FNDC3A: variants seen among roughly 807,000 people sequenced by gnomAD.
FNDC3A encodes fibronectin type III domain containing 3A.
A neutral mutation model predicts 148.9 loss-of-function variants in FNDC3A; 32 were observed. The ratio of observed to expected loss-of-function variants is 0.21; its 90% confidence interval spans 0.16 to 0.29. The LOEUF (loss-of-function observed/expected upper bound fraction) is 0.29, where lower values mean the gene tolerates loss of function less well. FNDC3A is among the 10% of genes least tolerant of loss of function. The pLI is 1.00. For synonymous variants in FNDC3A, 472 were observed against 473.6 expected (o/e 1.00, Z 0.04); for missense variants, 1,191 against 1,452.8 (o/e 0.82, Z 2.93).
intron 13 of FNDC3A, among the ~76,000 whole-genome samples, chr13:49,175,852 T>C (rs1885001447): frequency 6.6e-6 from 1 of 152,228 alleles, no homozygotes; most frequent in South Asian, 2.1e-4. Context: ...ACAGCTCTTA[T>C]TATTTTGAGA....
intron 4 of FNDC3A, among the ~76,000 whole-genome samples, chr13:49,119,215 G>A (rs756375199): frequency 6.6e-6 from 1 of 152,118 alleles, no homozygotes; most frequent in Non-Finnish European, 1.5e-5. Flanking sequence ...AGGCAAACAG[G>A]GTCTGAGTGG....
At chr13:49,193,859 A>C (rs1486937639) in intron 19 of FNDC3A, among the ~76,000 whole-genome samples, 1 of 151,924 alleles carries the variant, frequency 6.6e-6, no homozygotes, top group Non-Finnish European at 1.5e-5. Context: ...GGCGGAGGTT[A>C]CAGTGAGCTG....
At chr13:49,114,621 A>G in intron 3 of FNDC3A, 34 bp from the exon 4 acceptor site, 2 of 1,446,016 alleles carry the variant, frequency 1.4e-6, no homozygotes, top group South Asian at 2.3e-5. Flanking sequence ...ATAAGCAATC[A>G]TGGGTTAATA....
chr13:49,112,048 A>G (rs1880613983), intron 3 of FNDC3A, among the ~76,000 whole-genome samples: 1 of 152,216 alleles, frequency 6.6e-6, no homozygotes, highest in Non-Finnish European at 1.5e-5. Context: ...GGCCACTTGA[A>G]GCAATTGTGT....
intron 2 of FNDC3A, among the ~76,000 whole-genome samples, chr13:49,062,689 G>T (rs1184164302): frequency 2.6e-5 from 4 of 152,064 alleles, no homozygotes; most frequent in Non-Finnish European, 5.9e-5. Flanking sequence ...ATCATCCTAG[G>T]TTGAGTGGAT....
chr13:49,188,300 G>A (rs1282580043), intron 16 of FNDC3A, among the ~76,000 whole-genome samples: 1 of 152,144 alleles, frequency 6.6e-6, no homozygotes, highest in African/African-American at 2.4e-5. Flanking sequence ...GAGTTACAGA[G>A]ATATTTCACT....
At chr13:49,066,610 A>G (rs1877279826) in intron 2 of FNDC3A, among the ~76,000 whole-genome samples, 1 of 152,230 alleles carries the variant, frequency 6.6e-6, no homozygotes, top group African/African-American at 2.4e-5. Flanking sequence ...CCAAAGTTAC[A>G]AATAGCTATT....
chr13:49,206,669 A>G (rs761129309), intron 25 of FNDC3A, among the ~76,000 whole-genome samples: 17 of 152,224 alleles, frequency 1.1e-4, no homozygotes, highest in Admixed American at 2.0e-4. Context: ...TTGAAATTAT[A>G]TGGAAATTTA....
intron 8 of FNDC3A, among the ~76,000 whole-genome samples, chr13:49,158,055 C>G (rs1017763807): frequency 5.3e-5 from 8 of 152,232 alleles, no homozygotes; most frequent in South Asian, 4.2e-4. Flanking sequence ...CCACTCAGTT[C>G]GAGCTTCCCG....
At chr13:49,079,723 T>TTC (rs780915976) in intron 3 of FNDC3A, among the ~76,000 whole-genome samples, 25 of 152,144 alleles carry the variant, frequency 1.6e-4, no homozygotes, top group Non-Finnish European at 2.9e-4. Context: ...ACTCCTGAGC[T>TTC]TCTCTCTCTT....
chr13:49,194,481 G>T (rs1464260076), intron 19 of FNDC3A, among the ~76,000 whole-genome samples: 1 of 152,116 alleles, frequency 6.6e-6, no homozygotes, highest in Non-Finnish European at 1.5e-5. Flanking sequence ...GGATTTTTGG[G>T]TGGTATTCAT....
In FNDC3A at chr13:49,077,507, G is replaced by A. The variant is rs189499260; in HGVS notation, c.175+2143G>A. ...TCTTTTCAGAGAAGTAATCAGCTCA[G>A]TAATTAAAATTAAAACTTTTAGCCT... On this transcript the variant is annotated intron_variant, in intron 3 of 25. Transcript: ENST00000492622. 3.9e-5 allele frequency among the ~76,000 whole-genome samples: 6 copies of A among 152,298 alleles called. No homozygotes were observed. The East Asian group carries it at 5.8e-4, about 15-fold the overall frequency.
At chr13:49,193,507 C>T (rs1885994993) in intron 19 of FNDC3A, among the ~76,000 whole-genome samples, 1 of 152,154 alleles carries the variant, frequency 6.6e-6, no homozygotes, top group Non-Finnish European at 1.5e-5. Context: ...AGTGATTCCC[C>T]CACCTTAGCC....
At chr13:49,089,129 A>G (rs1468198863) in intron 3 of FNDC3A, among the ~76,000 whole-genome samples, 1 of 152,220 alleles carries the variant, frequency 6.6e-6, no homozygotes, top group East Asian at 1.9e-4. Flanking sequence ...ATAGTTGCAC[A>G]ACAATGTAAA....
chr13:49,199,611 C>T (rs1886332615), intron 23 of FNDC3A, among the ~76,000 whole-genome samples: 3 of 152,158 alleles, frequency 2.0e-5, no homozygotes, highest in Admixed American at 2.0e-4. Flanking sequence ...CAGGCGTGAG[C>T]CACTGCACCC....
intron 12 of FNDC3A, 25 bp from the exon 13 acceptor site, chr13:49,175,342 C>G: frequency 6.6e-7 from 1 of 1,511,302 alleles, no homozygotes; most frequent in Non-Finnish European, 8.9e-7. Context: ...TTTTTCATGC[C>G]TTTTAAAACC....
intron 2 of FNDC3A, among the ~76,000 whole-genome samples, chr13:49,048,529 T>TGG (rs1373877069): frequency 6.6e-6 from 1 of 152,180 alleles, no homozygotes; most frequent in Non-Finnish European, 1.5e-5. Flanking sequence ...GTAGACGTCT[T>TGG]TCACCTCCTT....
intron 2 of FNDC3A, among the ~76,000 whole-genome samples, chr13:49,014,354 G>C (rs1361853934): frequency 1.7e-5 from 2 of 114,970 alleles, no homozygotes; most frequent in South Asian, 6.9e-4. Flanking sequence ...GCCAGTGATG[G>C]TGAGCATTTT....
intron 8 of FNDC3A, among the ~76,000 whole-genome samples, chr13:49,153,037 A>C (rs1393041841): frequency 1.3e-5 from 2 of 151,694 alleles, no homozygotes; most frequent in African/African-American, 4.8e-5. Flanking sequence ...TATACCCAGT[A>C]ATGGGATGGC....
Sources: gnomAD v4.1 joint callset for allele counts (sites outside exome capture counted in the v4.1 genomes callset) on GRCh38, gnomAD v4.1.1 for gene constraint, MANE v1.5 for transcripts, NCBI Gene and HGNC (gene_info 2026-07-23, HGNC 2026-07-21) for gene names.